MACROD2: variants seen among roughly 807,000 people sequenced by gnomAD.
MACROD2 encodes mono-ADP ribosylhydrolase 2.
In MACROD2, 36 loss-of-function variants were observed where a neutral mutation model predicts 70.4. The observed-to-expected ratio is 0.51, with a 90% confidence interval of 0.39 to 0.68. MACROD2 has a LOEUF of 0.68. Ranked by LOEUF, MACROD2 falls within the 30% of genes least tolerant of loss-of-function variation. MACROD2 has a pLI of 0.00. For synonymous variants in MACROD2, 172 were observed against 178.8 expected (o/e 0.96, Z 0.30); for missense variants, 496 against 538.4 (o/e 0.92, Z 0.78).
intron 2 of MACROD2, among the ~76,000 whole-genome samples, chr20:14,065,636 A>G (rs1601179397): frequency 6.6e-6 from 1 of 152,222 alleles, no homozygotes. Context: ...GTTTTAATCC[A>G]TTTAATTCTC....
chr20:15,066,743 G>T (rs950461766), intron 5 of MACROD2, among the ~76,000 whole-genome samples: 1 of 151,912 alleles, frequency 6.6e-6, no homozygotes, highest in African/African-American at 2.4e-5. Context: ...TTATGCAGGC[G>T]TGGTGGTGGG....
chr20:15,168,063 G>A (rs1417701913), intron 5 of MACROD2, among the ~76,000 whole-genome samples: 1 of 152,156 alleles, frequency 6.6e-6, no homozygotes, highest in Non-Finnish European at 1.5e-5. Context: ...ACTGGCATTT[G>A]AAATACATAA....
chr20:15,344,567 A>AT lies in MACROD2; in HGVS notation c.541-86829dup, dbSNP rs376632258. Reference sequence around the variant, plus strand: ...CAGTTTTTTTCGTATAGAAACAATTATTTTTTTTTATGTTCTCCCAGAGAA... The same window carrying AT: ...CAGTTTTTTTCGTATAGAAACAATTATTTTTTTTTTATGTTCTCCCAGAGAA... On this transcript the variant is annotated intron_variant, in intron 6 of 17. Transcript: ENST00000684519. 6.7e-3 allele frequency among the ~76,000 whole-genome samples: 1,021 copies of AT among 151,690 alleles called. 17 individuals are homozygous for AT. The highest frequency in any genetic ancestry group is 0.022 in the African/African-American group (924 of 41,378).
intron 6 of MACROD2, among the ~76,000 whole-genome samples, chr20:15,233,983 T>TTTTA (rs1555795271): frequency 9.1e-5 from 4 of 44,004 alleles, no homozygotes; most frequent in African/African-American, 2.7e-4. Context: ...ATATATTTAT[T>TTTTA]TATATATATA....
At chr20:15,549,276 C>A (rs1260352415) in intron 8 of MACROD2, among the ~76,000 whole-genome samples, 2 of 152,164 alleles carry the variant, frequency 1.3e-5, no homozygotes, top group Non-Finnish European at 2.9e-5. Context: ...TAAACTATAG[C>A]TTGTCTTGCA....
At chr20:15,523,354 A>G (rs182072083) in intron 8 of MACROD2, among the ~76,000 whole-genome samples, 93 of 152,310 alleles carry the variant, frequency 6.1e-4, no homozygotes, top group Admixed American at 6.0e-3. Context: ...TAGAGCCATC[A>G]CAGTTTTAGA....
chr20:14,670,821 C>T (rs1348266608), intron 4 of MACROD2, among the ~76,000 whole-genome samples: 1 of 152,132 alleles, frequency 6.6e-6, no homozygotes, highest in Non-Finnish European at 1.5e-5. Context: ...CTTTCTACCA[C>T]ACCATAGTGT....
intron 4 of MACROD2, among the ~76,000 whole-genome samples, chr20:14,518,456 A>C (rs1484466794): frequency 1.3e-5 from 2 of 151,970 alleles, no homozygotes; most frequent in African/African-American, 4.8e-5. Flanking sequence ...TTTTTTCTTT[A>C]TGTGAATGGA....
chr20:15,320,567 A>T (rs2077863545), intron 6 of MACROD2, among the ~76,000 whole-genome samples: 1 of 152,208 alleles, frequency 6.6e-6, no homozygotes, highest in Admixed American at 6.5e-5. Context: ...TGATAAGTTA[A>T]GATATAAATA....
At chr20:14,118,654 C>A (rs2054543071) in intron 3 of MACROD2, among the ~76,000 whole-genome samples, 1 of 152,134 alleles carries the variant, frequency 6.6e-6, no homozygotes, top group Admixed American at 6.5e-5. Context: ...ACAGACTTTT[C>A]ATTTTTATTC....
chr20:15,043,348 C>CT (rs544542772), intron 5 of MACROD2, among the ~76,000 whole-genome samples: 99 of 152,350 alleles, frequency 6.5e-4, no homozygotes, highest in African/African-American at 2.2e-3. Flanking sequence ...GGGGCTGTGC[C>CT]TTTGCATAGG....
At chr20:15,184,767 C>G (rs1416706779) in intron 5 of MACROD2, among the ~76,000 whole-genome samples, 1 of 152,212 alleles carries the variant, frequency 6.6e-6, no homozygotes, top group Non-Finnish European at 1.5e-5. Context: ...TTAGTTTTCA[C>G]AGGCCAGCTT....
chr20:15,393,683 T>A (rs1183298333), intron 6 of MACROD2, among the ~76,000 whole-genome samples: 1 of 152,196 alleles, frequency 6.6e-6, no homozygotes, highest in Non-Finnish European at 1.5e-5. Flanking sequence ...TCCAAATCCT[T>A]CAGTGTTTTT....
chr20:14,789,459 A>ATTTTTTTT (rs1230000349), intron 5 of MACROD2, among the ~76,000 whole-genome samples: 1 of 48,828 alleles, frequency 2.0e-5, no homozygotes, highest in Non-Finnish European at 4.4e-5. Flanking sequence ...AGGTAGTGCA[A>ATTTTTTTT]ATTTTTTTTT....
chr20:14,082,354 ATT>A (rs199540255), intron 2 of MACROD2, among the ~76,000 whole-genome samples: 12 of 88,174 alleles, frequency 1.4e-4, no homozygotes, highest in Admixed American at 2.2e-4. Flanking sequence ...AATTTTTTGT[ATT>A]TTTTTTTTTT....
intron 5 of MACROD2, among the ~76,000 whole-genome samples, chr20:15,134,798 C>G (rs1471208353): frequency 6.6e-6 from 1 of 151,838 alleles, no homozygotes; most frequent in African/African-American, 2.4e-5. Flanking sequence ...TTGAAAGGAT[C>G]AACAAAATTG....
At chr20:14,364,000 T>C (rs184782581) in intron 3 of MACROD2, among the ~76,000 whole-genome samples, 3 of 152,222 alleles carry the variant, frequency 2.0e-5, no homozygotes, top group East Asian at 3.9e-4. Flanking sequence ...CACCCTGTAC[T>C]AATTACCATA....
chr20:15,061,041 A>C (rs1271209647), intron 5 of MACROD2, among the ~76,000 whole-genome samples: 1 of 152,304 alleles, frequency 6.6e-6, no homozygotes, highest in Non-Finnish European at 1.5e-5. Flanking sequence ...AATAAAAGTC[A>C]AGATGGTATG....
chr20:14,306,819 T>C (rs1254250016), intron 3 of MACROD2, among the ~76,000 whole-genome samples: 1 of 152,110 alleles, frequency 6.6e-6, no homozygotes, highest in Non-Finnish European at 1.5e-5. Flanking sequence ...TATGAGGCCA[T>C]TAAATTACTG....
Sources: allele counts gnomAD v4.1 joint callset (sites outside exome capture counted in the v4.1 genomes callset), GRCh38; gene constraint gnomAD v4.1.1; transcripts MANE v1.5; gene names NCBI Gene and HGNC (gene_info 2026-07-23, HGNC 2026-07-21).